Variants in PCNX2 observed in about 807,000 individuals in gnomAD.
PCNX2 encodes the protein pecanex 2, also known as pecanex-like protein 2.
PCNX2 carries 168 observed loss-of-function variants against 223.8 expected under a neutral mutation model. That is an observed-to-expected ratio of 0.75 (90% CI 0.66 to 0.85). PCNX2 has a LOEUF of 0.85. Among genes scored for constraint, PCNX2 ranks in the 40% least tolerant of loss-of-function variants. PCNX2 has a pLI of 0.00. For missense variants in PCNX2, 2,507 were observed against 2,675.5 expected (o/e 0.94, Z 1.39); for synonymous variants, 1,006 against 1,052.6 (o/e 0.96, Z 0.86).
At chr1:233,086,923 G>GT in intron 23 of PCNX2, 1 of 727,088 alleles carries the variant, frequency 1.4e-6, no homozygotes. Context: ...TGAGAGCTGT[G>GT]TTTTAGGACA....
chr1:233,201,003 G>A (rs1265891763), intron 13 of PCNX2, among the ~76,000 whole-genome samples: 3 of 139,828 alleles, frequency 2.1e-5, no homozygotes, highest in African/African-American at 8.1e-5. Flanking sequence ...TCCAGCCTGG[G>A]CGACAGAGCA....
intron 28 of PCNX2, among the ~76,000 whole-genome samples, chr1:233,002,638 A>C (rs1341996719): frequency 6.6e-6 from 1 of 152,232 alleles, no homozygotes; most frequent in African/African-American, 2.4e-5. Flanking sequence ...CTTTCTTCAC[A>C]GAATTAGAAA....
intron 21 of PCNX2, among the ~76,000 whole-genome samples, chr1:233,099,460 C>T (rs1212981176): frequency 6.6e-6 from 1 of 152,160 alleles, no homozygotes; most frequent in Admixed American, 6.5e-5. Flanking sequence ...TATGATACTA[C>T]CCAAAAAGCC....
At chr1:232,995,126 T>C (rs1669833802) in intron 32 of PCNX2, among the ~76,000 whole-genome samples, 1 of 152,178 alleles carries the variant, frequency 6.6e-6, no homozygotes, top group African/African-American at 2.4e-5. Context: ...CTGTTACTGT[T>C]ATCAAATTTT....
At chr1:233,181,747 G>A (rs1679813747) in intron 15 of PCNX2, among the ~76,000 whole-genome samples, 1 of 152,108 alleles carries the variant, frequency 6.6e-6, no homozygotes, top group Admixed American at 6.6e-5. Flanking sequence ...CCTTTTTGTT[G>A]TGTTCTCACA....
chr1:233,141,280 C>T (rs778966476), intron 19 of PCNX2, among the ~76,000 whole-genome samples: 1 of 152,182 alleles, frequency 6.6e-6, no homozygotes, highest in Admixed American at 6.5e-5. Flanking sequence ...CAAATAGAAA[C>T]TATTTTACTT....
rs1572221102 is a variant in PCNX2 at position 233,295,623 on chromosome 1, A to C, written c.-145T>G. On this transcript the variant is annotated 5_prime_UTR_variant, in exon 1 of 34. Coordinates refer to ENST00000258229, the MANE Select transcript of PCNX2 (RefSeq NM_014801.4). This position sits in a 1 kb window ranked among gnomAD's most constrained non-coding sequence, Gnocchi z 4.1. ...GCCGTCGCCCCCGCCGCCTCCTTCC[A>C]CCCCACGTTTGAAGCTGGAGCTGCT... 4.5e-6 allele frequency: 4 copies of C among 883,258 alleles called. No individual in the cohort carries two copies. The highest frequency in any genetic ancestry group is 6.0e-6 in the Non-Finnish European group (4 of 664,732). 54.7% of individuals were successfully genotyped at this position (883,258 alleles called of 1,614,324 possible).
intron 32 of PCNX2, among the ~76,000 whole-genome samples, chr1:232,987,326 C>A (rs914093453): frequency 6.6e-6 from 1 of 152,246 alleles, no homozygotes; most frequent in Non-Finnish European, 1.5e-5. Flanking sequence ...GTCTTCTGTG[C>A]GTGATGGCCC....
Position 233,263,070 on chromosome 1 carries a change from G to C in PCNX2, c.247C>G (p.Leu83Val), listed in dbSNP as rs1660141691. ...IIKLVSYRLH[L>V]MFDKGEVIQQ... ...ATTACTTCTCCTTTGTCAAACATGA[G>C]GTGTAGGCGATAACTGACCAGTTTG... The change falls in exon 2 of 34, where the codon CTC (leucine) becomes GTC (valine). Residue 83 changes from leucine (L) to valine (V), a missense_variant. Around this residue, in one of 3 missense-constraint regions of PCNX2, gnomAD observed 1,031 missense variants for 1,021.7 expected, o/e 1.01. Coordinates refer to ENST00000258229, the MANE Select transcript of PCNX2 (RefSeq NM_014801.4). 6.2e-7 allele frequency: 1 copy of C among 1,613,412 alleles called. No individual in the cohort carries two copies. The highest frequency in any genetic ancestry group is 8.5e-7 in the Non-Finnish European group (1 of 1,179,688).
chr1:233,077,982 T>C (rs557453742), intron 23 of PCNX2, among the ~76,000 whole-genome samples: 1 of 152,332 alleles, frequency 6.6e-6, no homozygotes, highest in South Asian at 2.1e-4. Flanking sequence ...ATTCACATTA[T>C]ATATTAATTC....
At chr1:233,040,109 G>A (rs960129806) in intron 25 of PCNX2, among the ~76,000 whole-genome samples, 2 of 152,060 alleles carry the variant, frequency 1.3e-5, no homozygotes, top group Non-Finnish European at 2.9e-5. Context: ...ATGCATTTAC[G>A]GTATCATTGT....
chr1:233,265,597 G>C (rs1423584296), intron 1 of PCNX2, among the ~76,000 whole-genome samples: 2 of 152,192 alleles, frequency 1.3e-5, no homozygotes, highest in Non-Finnish European at 2.9e-5. Context: ...TGCGGAGCAA[G>C]GCCCCTATAA....
chr1:233,250,025 G>A (rs569025426), intron 8 of PCNX2, among the ~76,000 whole-genome samples: 3 of 152,254 alleles, frequency 2.0e-5, no homozygotes, highest in East Asian at 1.9e-4. Flanking sequence ...CAGTTACACC[G>A]GGAAAGTCTC....
intron 21 of PCNX2, among the ~76,000 whole-genome samples, chr1:233,109,473 G>C (rs1388824199): frequency 6.6e-6 from 1 of 152,176 alleles, no homozygotes; most frequent in Non-Finnish European, 1.5e-5. Flanking sequence ...CAGAGAGATG[G>C]AAACTATAAA....
chr1:233,048,995 C>G (rs1042108155), intron 25 of PCNX2, among the ~76,000 whole-genome samples: 8 of 152,054 alleles, frequency 5.3e-5, no homozygotes, highest in Non-Finnish European at 1.0e-4. Context: ...ATATTGAGTT[C>G]TGAAATTGAA....
intron 32 of PCNX2, among the ~76,000 whole-genome samples, chr1:232,995,689 TA>T (rs11323799): frequency 1 from 152,041 of 152,042 alleles, 76,020 homozygotes; most frequent in Middle Eastern, 1. Context: ...AAATCCAATT[TA>T]AAAAAAAAGA....
At chr1:233,222,465 G>A (rs1340674146) in intron 10 of PCNX2, among the ~76,000 whole-genome samples, 1 of 152,162 alleles carries the variant, frequency 6.6e-6, no homozygotes, top group Non-Finnish European at 1.5e-5. Flanking sequence ...GCTGGGGCAG[G>A]AGGATTGCTT....
chr1:233,200,288 A>T, intron 13 of PCNX2, 24 bp from the exon 14 acceptor site: 1 of 1,498,446 alleles, frequency 6.7e-7, no homozygotes, highest in Non-Finnish European at 9.1e-7. Flanking sequence ...AACAAAATTG[A>T]CGATAAGCAT....
the PCNX2 span, among the ~76,000 whole-genome samples, chr1:233,304,014 G>A: frequency 2.5e-3 from 379 of 152,258 alleles, no homozygotes; most frequent in Non-Finnish European, 4.6e-3. Flanking sequence ...ATCATATCAC[G>A]ATTTTGAGTT....
Sources: gnomAD v4.1 joint callset for allele counts (sites outside exome capture counted in the v4.1 genomes callset) on GRCh38, gnomAD v4.1.1 for gene constraint, gnomAD v4.1.1 regional missense constraint, Gnocchi (gnomAD v3.1) non-coding constraint, MANE v1.5 for transcripts, NCBI Gene and HGNC (gene_info 2026-07-23, HGNC 2026-07-21) for gene names.